The following ASPH variants were observed in gnomAD, a reference collection of about 807,000 sequenced individuals.
ASPH encodes aspartate beta-hydroxylase.
ASPH carries 100 observed loss-of-function variants against 118.4 expected under a neutral mutation model. The ratio of observed to expected loss-of-function variants is 0.84; its 90% CI spans 0.72 to 1.00. ASPH has a LOEUF of 1.00. ASPH is among the 50% of genes least tolerant of loss of function. The pLI, the probability that ASPH is intolerant of heterozygous loss-of-function variation, is 0.00. For missense variants in ASPH, 920 were observed against 919.5 expected, an observed-to-expected ratio of 1.00 and a Z score of -0.01; for synonymous variants, 315 against 325.6, an observed-to-expected ratio of 0.97 and a Z score of 0.35.
intron 14 of ASPH, among the ~76,000 whole-genome samples, chr8:61,590,707 C>T (rs1028247903): frequency 6.6e-6 from 1 of 151,948 alleles, no homozygotes; most frequent in Non-Finnish European, 1.5e-5. Flanking sequence ...ACAAATTGGC[C>T]CCTAATCTCC....
intron 3 of ASPH, chr8:61,663,102 G>A (rs894458192): frequency 1.0e-6 from 1 of 985,226 alleles, no homozygotes; most frequent in African/African-American, 1.7e-5. Context: ...ATTTATCTCA[G>A]GAGAAAAGAT....
chr8:61,660,624 A>G (rs1563443237), intron 3 of ASPH: 1 of 152,194 alleles, frequency 6.6e-6, no homozygotes, highest in Non-Finnish European at 1.5e-5. Context: ...CAAAAGAAAA[A>G]AGCCAAAACT....
chr8:61,514,699 ACT>A (rs1221135308), intron 24 of ASPH, among the ~76,000 whole-genome samples: 4 of 151,788 alleles, frequency 2.6e-5, no homozygotes, highest in East Asian at 3.9e-4. Flanking sequence ...ACAGAGCGAG[ACT>A]CTGTCTCAAA....
chr8:61,566,393 C>T (rs1831682820), intron 17 of ASPH, among the ~76,000 whole-genome samples: 2 of 152,222 alleles, frequency 1.3e-5, no homozygotes, highest in Non-Finnish European at 2.9e-5. Context: ...TTGCTTCTTA[C>T]AGATGAGCAA....
At chr8:61,665,552 C>T in intron 3 of ASPH, 2 of 1,590,446 alleles carry the variant, frequency 1.3e-6, no homozygotes, top group South Asian at 2.3e-5. Flanking sequence ...ACTTTCCTTC[C>T]TTGACTCAGG....
chr8:61,578,914 T>G, intron 15 of ASPH: 2 of 1,611,772 alleles, frequency 1.2e-6, no homozygotes, highest in Non-Finnish European at 8.5e-7. Flanking sequence ...GAAAAGGAGA[T>G]CCGGGAGCTG....
chr8:61,625,897 T>C, intron 13 of ASPH: 1 of 1,024,970 alleles, frequency 9.8e-7, no homozygotes, highest in African/African-American at 1.7e-5. Context: ...TAATAATATA[T>C]GAAAACCCTG....
At chr8:61,686,766 C>T (rs993666943) in intron 1 of ASPH, among the ~76,000 whole-genome samples, 5 of 151,758 alleles carry the variant, frequency 3.3e-5, no homozygotes, top group Non-Finnish European at 7.4e-5. Context: ...TTTTTTTTGG[C>T]AAAAGGAATG....
chr8:61,663,244 G>A (rs1283591427), intron 3 of ASPH: 1 of 985,176 alleles, frequency 1.0e-6, no homozygotes, highest in South Asian at 4.7e-5. Context: ...TGAAGTTTGA[G>A]TGGGACCCAC....
intron 20 of ASPH, among the ~76,000 whole-genome samples, chr8:61,548,755 T>C (rs1278059383): frequency 6.6e-6 from 1 of 152,198 alleles, no homozygotes; most frequent in Admixed American, 6.5e-5. Context: ...GGAAAAATTA[T>C]TCTGAGTGGG....
chr8:61,655,634 T>C (rs1357211750), intron 3 of ASPH, among the ~76,000 whole-genome samples: 1 of 152,222 alleles, frequency 6.6e-6, no homozygotes, highest in Non-Finnish European at 1.5e-5. Flanking sequence ...ACTACTAGTA[T>C]ACCAACATTC....
In ASPH at chr8:61,619,063, C is replaced by A. The variant is rs369620680; in HGVS notation, c.935-44G>T. 29 of 1,360,428 alleles carry A rather than the reference C, an allele frequency of 2.1e-5. No homozygotes were observed. In the African/African-American group the frequency reaches 3.5e-4, roughly 16 times the overall value. 84.3% of individuals were successfully genotyped at this position (1,360,428 alleles called of 1,614,324 possible). ...ACATAGTAAGTACTATGCAAGTCAC[C>A]ATTCAGTATCTCAAAATATAGGACA... On this transcript the variant is annotated intron_variant, in intron 13 of 24. Transcript: ENST00000379454.
rs775553241 is a variant in ASPH at position 61,607,205 on chromosome 8, A to T, written c.976+11773T>A. On this transcript the variant is annotated intron_variant, in intron 14 of 24. Coordinates refer to ENST00000379454, the MANE Select transcript of ASPH (RefSeq NM_004318.4). The stretch of plus-strand genomic sequence containing the variant: ...TCATCCTTCTTAGCTAGAAGCTGTT[A>T]TCTTCTTTATTCAGTTCCCCCTTCC... 47 of 684,992 alleles carry T rather than the reference A, an allele frequency of 6.9e-5. 1 individual carries two copies. In the Middle Eastern group the frequency reaches 7.6e-4, roughly 11 times the overall value. The allele number at this position is 684,992 out of a possible 1,614,324, so 42.4% of individuals were successfully genotyped here.
rs546963316 is a variant in ASPH, at chr8:61,677,155, T to C, written c.322+3813A>G. ...TTCCTCTCCCCATGGGCCTGTGAAA[T>C]TAGCTTCTATTGCTAAGACCCCTTA... On this transcript the variant is annotated intron_variant, in intron 3 of 24. Transcript: ENST00000379454. Among the ~76,000 whole-genome samples, 4 of 152,260 alleles carry C rather than the reference T, an allele frequency of 2.6e-5. No individual in the cohort carries two copies. In the South Asian group the frequency reaches 8.3e-4, roughly 32 times the overall value.
chr8:61,712,233 C>G (rs772226259), intron 1 of ASPH, among the ~76,000 whole-genome samples: 1 of 152,134 alleles, frequency 6.6e-6, no homozygotes, highest in Non-Finnish European at 1.5e-5. Context: ...ATGGTTCGCA[C>G]AACGTCCGTA....
chr8:61,542,591 T>C (rs1035906047), intron 21 of ASPH, among the ~76,000 whole-genome samples: 3 of 152,216 alleles, frequency 2.0e-5, no homozygotes, highest in Non-Finnish European at 4.4e-5. Flanking sequence ...ATATTACATT[T>C]ATTGCTTTAT....
chr8:61,624,441 C>T, intron 13 of ASPH: 4 of 982,574 alleles, frequency 4.1e-6, no homozygotes, highest in Non-Finnish European at 4.8e-6. Flanking sequence ...ATCAAAAATG[C>T]TATAATCTTC....
Position 61,689,650 on chromosome 8 carries a change from T to C in ASPH, c.104-5462A>G, listed in dbSNP as rs1348698639. On this transcript the variant is annotated intron_variant, in intron 1 of 24. Transcript: ENST00000379454. ...TGTCAGCTAGATCTAAAGCCACTTT[T>C]AGCCTAAATAACAAAAATATACCTT... 5.7e-6 allele frequency: 9 copies of C among 1,577,340 alleles called. No homozygotes were observed. The East Asian group carries it at 2.0e-4, about 36-fold the overall frequency.
intron 1 of ASPH, among the ~76,000 whole-genome samples, chr8:61,706,404 C>CAAAAAAA (rs55731088): frequency 9.9e-5 from 7 of 70,562 alleles, no homozygotes; most frequent in Admixed American, 2.0e-4. Flanking sequence ...GGTCATGACT[C>CAAAAAAA]AAAAAAAAAA....
Sources: allele counts gnomAD v4.1 joint callset (sites outside exome capture counted in the v4.1 genomes callset), GRCh38; gene constraint gnomAD v4.1.1; transcripts MANE v1.5; gene names NCBI Gene and HGNC (gene_info 2026-07-23, HGNC 2026-07-21).